Variants in MNAT1 observed in about 807,000 individuals in gnomAD.
MNAT1 encodes the protein MNAT1 component of CDK activating kinase.
A neutral mutation model predicts 42.0 loss-of-function variants in MNAT1; 43 were observed. The ratio of observed to expected loss-of-function variants is 1.02; its 90% CI spans 0.80 to 1.32. MNAT1 has a LOEUF of 1.32. Ranked by LOEUF, MNAT1 falls within the 40% of genes most tolerant of loss-of-function variation. The pLI, the probability that MNAT1 is intolerant of heterozygous loss-of-function variation, is 0.00. For missense variants in MNAT1, 306 were observed against 350.4 expected, an observed-to-expected ratio of 0.87 and a Z score of 1.01; for synonymous variants, 118 against 120.0, an observed-to-expected ratio of 0.98 and a Z score of 0.11.
chr14:60,913,943 C>T (rs545292121), intron 7 of MNAT1, among the ~76,000 whole-genome samples: 2 of 152,366 alleles, frequency 1.3e-5, no homozygotes, highest in Admixed American at 6.5e-5. Context: ...CAGAGGCAGT[C>T]TGGCCTCCTT....
At chr14:60,837,946 C>T (rs1444238922) in intron 6 of MNAT1, among the ~76,000 whole-genome samples, 1 of 152,178 alleles carries the variant, frequency 6.6e-6, no homozygotes, top group African/African-American at 2.4e-5. Flanking sequence ...CTAATGAACA[C>T]ATGAAAGACC....
In MNAT1 at chr14:60,734,829, G is replaced by A. The variant is rs779882096; in HGVS notation, c.-34G>A. ...CTTGTAGGTGGCTCTGGCTGAAACA[G>A]GCGCCTGCGAGAGTCTGTAGGAGGG... On this transcript the variant is annotated 5_prime_UTR_variant, in exon 1 of 8. Transcript: ENST00000261245. The surrounding 1 kb of genome is among the most constrained non-coding windows in gnomAD (Gnocchi z 4.3). The A allele has an allele frequency of 9.9e-6, 16 of 1,608,130 alleles. No individual in the cohort carries two copies. The highest frequency in any genetic ancestry group is 3.3e-4 in the Middle Eastern group (2 of 6,046).
chr14:60,784,892 G>T (rs1336397337), intron 1 of MNAT1, among the ~76,000 whole-genome samples: 6 of 149,104 alleles, frequency 4.0e-5, no homozygotes, highest in African/African-American at 1.5e-4. Flanking sequence ...CAACTCTGTT[G>T]CCTAGGCTGC....
intron 6 of MNAT1, among the ~76,000 whole-genome samples, chr14:60,869,288 G>C (rs1012077266): frequency 3.3e-5 from 5 of 151,180 alleles, no homozygotes; most frequent in East Asian, 3.9e-4. Flanking sequence ...CAATCCGCCT[G>C]CCTCGGCCTC....
chr14:60,817,501 C>A (rs566229743), intron 5 of MNAT1, among the ~76,000 whole-genome samples: 4 of 152,048 alleles, frequency 2.6e-5, no homozygotes, highest in Admixed American at 2.6e-4. Context: ...ATTGCTCTTG[C>A]AAAACACTTC....
At chr14:60,785,477 A>G (rs1279712905) in intron 1 of MNAT1, among the ~76,000 whole-genome samples, 1 of 152,212 alleles carries the variant, frequency 6.6e-6, no homozygotes, top group Non-Finnish European at 1.5e-5. Flanking sequence ...GCAAACATTG[A>G]TATACTTTGC....
intron 6 of MNAT1, among the ~76,000 whole-genome samples, chr14:60,856,107 G>A (rs544361503): frequency 2.0e-5 from 3 of 152,330 alleles, no homozygotes; most frequent in African/African-American, 7.2e-5. Context: ...GAAGGCTTGT[G>A]GAAAGCCAAG....
At chr14:60,928,053 G>A (rs2035801531) in intron 7 of MNAT1, among the ~76,000 whole-genome samples, 1 of 152,050 alleles carries the variant, frequency 6.6e-6, no homozygotes, top group African/African-American at 2.4e-5. Context: ...ACCAGACTTG[G>A]GCAACCACTT....
chr14:60,783,020 G>A (rs552243640), intron 1 of MNAT1, among the ~76,000 whole-genome samples: 4 of 152,046 alleles, frequency 2.6e-5, no homozygotes, highest in African/African-American at 4.8e-5. Flanking sequence ...TTCATTAGAC[G>A]GATTTACTAC....
intron 7 of MNAT1, among the ~76,000 whole-genome samples, chr14:60,937,300 C>T (rs1164000247): frequency 6.6e-6 from 1 of 152,056 alleles, no homozygotes; most frequent in African/African-American, 2.4e-5. Context: ...AAGTCCTTGC[C>T]CATGCCTATG....
chr14:60,893,261 A>G (rs1462501032), intron 7 of MNAT1, among the ~76,000 whole-genome samples: 1 of 151,924 alleles, frequency 6.6e-6, no homozygotes, highest in Non-Finnish European at 1.5e-5. Context: ...TAATATTGCA[A>G]TTTTTATATC....
At chr14:60,863,051 T>C (rs2034131825) in intron 6 of MNAT1, among the ~76,000 whole-genome samples, 1 of 151,946 alleles carries the variant, frequency 6.6e-6, no homozygotes, top group African/African-American at 2.4e-5. Context: ...GATCGAAAGA[T>C]TCGAAATTTA....
At chr14:60,858,353 G>T (rs2034012058) in intron 6 of MNAT1, among the ~76,000 whole-genome samples, 1 of 150,508 alleles carries the variant, frequency 6.6e-6, no homozygotes, top group South Asian at 2.1e-4. Flanking sequence ...TCATGTGTTT[G>T]TTGGCTGCAT....
At chr14:60,921,682 T>G (rs1410257501) in intron 7 of MNAT1, among the ~76,000 whole-genome samples, 1 of 152,200 alleles carries the variant, frequency 6.6e-6, no homozygotes, top group Non-Finnish European at 1.5e-5. Flanking sequence ...TAATATTAAA[T>G]TATTTTAACA....
At chr14:60,781,688 C>T (rs915770449) in intron 1 of MNAT1, among the ~76,000 whole-genome samples, 12 of 152,010 alleles carry the variant, frequency 7.9e-5, no homozygotes, top group Admixed American at 4.6e-4. Context: ...GCCCTGATCT[C>T]GTAATTATAT....
chr14:60,825,440 C>T (rs1482603110), intron 6 of MNAT1, among the ~76,000 whole-genome samples: 1 of 152,114 alleles, frequency 6.6e-6, no homozygotes, highest in East Asian at 1.9e-4. Context: ...TGAAAAGTAA[C>T]ATTAAGCAAC....
intron 1 of MNAT1, among the ~76,000 whole-genome samples, chr14:60,787,330 A>C (rs1036942882): frequency 6.6e-6 from 1 of 152,200 alleles, no homozygotes; most frequent in African/African-American, 2.4e-5. Flanking sequence ...TATGACTAAA[A>C]AACAGTGTGC....
At chr14:60,907,107 TAGTACATTTGA>T (rs1365623504) in intron 7 of MNAT1, among the ~76,000 whole-genome samples, 1 of 152,122 alleles carries the variant, frequency 6.6e-6, no homozygotes, top group African/African-American at 2.4e-5. Context: ...ATTGCTGAGT[TAGTACATTTGA>T]AGTAAACAGT....
At chr14:60,761,009 A>T (rs2140299718) in intron 1 of MNAT1, among the ~76,000 whole-genome samples, 1 of 152,172 alleles carries the variant, frequency 6.6e-6, no homozygotes, top group African/African-American at 2.4e-5. Context: ...ATTTTTCTCA[A>T]CTCTTTTGGC....
Sources: gnomAD v4.1 joint callset for allele counts (sites outside exome capture counted in the v4.1 genomes callset) on GRCh38, gnomAD v4.1.1 for gene constraint, Gnocchi (gnomAD v3.1) non-coding constraint, MANE v1.5 for transcripts, NCBI Gene and HGNC (gene_info 2026-07-23, HGNC 2026-07-21) for gene names.